The following APIP variants were observed in gnomAD, a reference collection of about 807,000 sequenced individuals.
APIP encodes APAF1 interacting protein.
In APIP, 32 loss-of-function variants were observed where a neutral mutation model predicts 32.0. The ratio of observed to expected loss-of-function variants is 1.00; its 90% CI spans 0.76 to 1.34. The LOEUF is 1.34. Among genes scored for constraint, APIP ranks in the 40% most tolerant of loss-of-function variants. APIP has a pLI of 0.00. For synonymous variants in APIP, 92 were observed against 94.8 expected (o/e 0.97, Z 0.17); for missense variants, 247 against 298.6 (o/e 0.83, Z 1.27).
At chr11:34,903,521 C>T (rs1024066723) in intron 1 of APIP, among the ~76,000 whole-genome samples, 1 of 152,202 alleles carries the variant, frequency 6.6e-6, no homozygotes, top group Non-Finnish European at 1.5e-5. Context: ...TTCCTTACCA[C>T]CAATGGACCG....
intron 1 of APIP, among the ~76,000 whole-genome samples, chr11:34,902,197 T>A (rs1382288050): frequency 1.3e-5 from 2 of 152,226 alleles, no homozygotes; most frequent in African/African-American, 4.8e-5. Flanking sequence ...CTGTTTGCCT[T>A]TGAGGATTTC....
At position 34,885,318 on chromosome 11, in the gene APIP, T is replaced by C. The variant is rs1384401309; in HGVS notation, c.462-1814A>G. Among the ~76,000 whole-genome samples the C allele has an allele frequency of 1.3e-5, 2 of 150,920 alleles. 1 individual carries two copies. Among genetic ancestry groups the C allele is most frequent in the East Asian group, 3.9e-4 (2 of 5,170 alleles). On this transcript the variant is annotated intron_variant, in intron 5 of 6. Transcript: ENST00000395787. ...AGGTATATATATACACATATATAGG[T>C]ATATACATATACATCAATGTCAGAC...
chr11:34,911,723 A>T (rs977005854), intron 1 of APIP, among the ~76,000 whole-genome samples: 3 of 152,196 alleles, frequency 2.0e-5, no homozygotes, highest in Non-Finnish European at 4.4e-5. Flanking sequence ...AAAACAGGGC[A>T]TATGCTGGCC....
intron 5 of APIP, 103 bp downstream of exon 5, chr11:34,888,182 AACACAGAT>A (rs1267118474): frequency 8.5e-6 from 9 of 1,063,880 alleles, no homozygotes; most frequent in Non-Finnish European, 1.0e-5. Flanking sequence ...AGTATTATTT[AACACAGAT>A]CCCACGACAT....
chr11:34,885,285 A>G (rs2133902820), intron 5 of APIP, among the ~76,000 whole-genome samples: 1 of 149,088 alleles, frequency 6.7e-6, no homozygotes, highest in South Asian at 2.1e-4. Flanking sequence ...ATATAACTAT[A>G]CATATAAAGG....
At chr11:34,910,820 T>A (rs1853535589) in intron 1 of APIP, among the ~76,000 whole-genome samples, 1 of 152,098 alleles carries the variant, frequency 6.6e-6, no homozygotes, top group Non-Finnish European at 1.5e-5. Context: ...GAGCCAGAAT[T>A]TGAACCCAGG....
chr11:34,916,115 C>T lies in APIP; in HGVS notation c.57+113G>A, dbSNP rs1265319834. ...GGGTAGCGAACGGCCAGGCCCGAAA[C>T]CCCGCCCCGCAGCTAAACGCCCGGC... On this transcript the variant is annotated intron_variant, in intron 1 of 6. Transcript: ENST00000395787. The T allele has an allele frequency of 2.1e-6, 3 of 1,416,328 alleles. No homozygotes were observed. The African/African-American group carries it at 4.4e-5, about 21-fold the overall frequency. The allele number at this position is 1,416,328 out of a possible 1,614,324, so 87.7% of individuals were successfully genotyped here.
At chr11:34,887,302 ATTCATATGAAAC>A (rs1166711358) in intron 5 of APIP, among the ~76,000 whole-genome samples, 1 of 152,302 alleles carries the variant, frequency 6.6e-6, no homozygotes, top group East Asian at 1.9e-4. Flanking sequence ...AAACAATAAC[ATTCATATGAAAC>A]TGATAGTACC....
At chr11:34,883,305 C>A in intron 6 of APIP, 32 bp downstream of exon 6, 1 of 1,557,674 alleles carries the variant, frequency 6.4e-7, no homozygotes, top group Non-Finnish European at 8.7e-7. Flanking sequence ...CGGGTGGTAA[C>A]TTGTTCCCCA....
intron 1 of APIP, among the ~76,000 whole-genome samples, chr11:34,907,474 T>C (rs1853477299): frequency 6.6e-6 from 1 of 152,232 alleles, no homozygotes; most frequent in African/African-American, 2.4e-5. Context: ...AGGCAGCTGC[T>C]GTTAATACAT....
intron 1 of APIP, among the ~76,000 whole-genome samples, chr11:34,908,802 G>C (rs1163693838): frequency 4.6e-5 from 7 of 152,230 alleles, no homozygotes; most frequent in Non-Finnish European, 1.0e-4. Context: ...GGGCATTTCA[G>C]TCAGAAAGAA....
At chr11:34,915,579 T>A (rs1442162803) in intron 1 of APIP, among the ~76,000 whole-genome samples, 1 of 152,226 alleles carries the variant, frequency 6.6e-6, no homozygotes, top group Non-Finnish European at 1.5e-5. Flanking sequence ...TACGTATCCC[T>A]ATCTCTGAGC....
chr11:34,882,407 AAATT>A lies in APIP; in HGVS notation c.*306_*309del, dbSNP rs1852980986. On this transcript the variant is annotated 3_prime_UTR_variant, in exon 7 of 7. Transcript: ENST00000395787. ...ATTTTATTATCACCAGCATCTTTAA[AAATT>A]AAGAGGAATTCTCTGAGAGTATATA... The A allele has an allele frequency of 6.1e-6, 1 of 164,698 alleles. No individual in the cohort carries two copies. Among genetic ancestry groups the A allele is most frequent in the South Asian group, 2.0e-4 (1 of 5,034 alleles). 10.2% of individuals were successfully genotyped at this position (164,698 alleles called of 1,614,324 possible).
chr11:34,891,078 C>G (rs1853178430), intron 2 of APIP, among the ~76,000 whole-genome samples: 1 of 152,138 alleles, frequency 6.6e-6, no homozygotes, highest in African/African-American at 2.4e-5. Context: ...CACTGGGCTA[C>G]TTTTTGGATA....
intron 5 of APIP, among the ~76,000 whole-genome samples, chr11:34,887,333 C>A (rs1853094609): frequency 3.3e-5 from 5 of 152,120 alleles, no homozygotes; most frequent in Admixed American, 3.3e-4. Context: ...CCCATAAGGC[C>A]TCTCCTTCAG....
intron 1 of APIP, among the ~76,000 whole-genome samples, chr11:34,902,020 T>C (rs2133917313): frequency 6.6e-6 from 1 of 152,304 alleles, no homozygotes; most frequent in African/African-American, 2.4e-5. Flanking sequence ...GAATAGAGAC[T>C]AGTTCAGGAC....
At chr11:34,910,408 C>G (rs1025707531) in intron 1 of APIP, among the ~76,000 whole-genome samples, 7 of 151,976 alleles carry the variant, frequency 4.6e-5, no homozygotes, top group Admixed American at 2.6e-4. Flanking sequence ...TAAAGAAGGG[C>G]TAGACAGGGA....
At chr11:34,899,086 G>T (rs1487009076) in intron 1 of APIP, among the ~76,000 whole-genome samples, 1 of 151,554 alleles carries the variant, frequency 6.6e-6, no homozygotes, top group Non-Finnish European at 1.5e-5. Flanking sequence ...AGCCAGGATG[G>T]TCTCAATCTC....
chr11:34,906,987 G>A (rs1853469890), intron 1 of APIP, among the ~76,000 whole-genome samples: 2 of 152,138 alleles, frequency 1.3e-5, no homozygotes, highest in African/African-American at 2.4e-5. Flanking sequence ...ACACGTGGAC[G>A]TGCCATTCTT....
Sources: gnomAD v4.1 joint callset for allele counts (sites outside exome capture counted in the v4.1 genomes callset) on GRCh38, gnomAD v4.1.1 for gene constraint, MANE v1.5 for transcripts, NCBI Gene and HGNC (gene_info 2026-07-23, HGNC 2026-07-21) for gene names.